Variants in SLC22A16 observed in about 807,000 individuals in gnomAD.
SLC22A16 encodes solute carrier family 22 member 16.
In SLC22A16, 53 loss-of-function variants were observed where a neutral mutation model predicts 52.9. The ratio of observed to expected loss-of-function variants is 1.00; its 90% confidence interval spans 0.80 to 1.26. The LOEUF is 1.26. Ranked by LOEUF, SLC22A16 falls within the 50% of genes most tolerant of loss-of-function variation. The pLI, the probability that SLC22A16 is intolerant of heterozygous loss-of-function variation, is 0.00. For synonymous variants in SLC22A16, 291 were observed against 268.8 expected (o/e 1.08, Z -0.81); for missense variants, 726 against 704.0 (o/e 1.03, Z -0.35).
intron 1 of SLC22A16, chr6:110,476,302 G>A: frequency 7.4e-7 from 1 of 1,350,090 alleles, no homozygotes. Context: ...AGCGAGCCCA[G>A]CGCCTCTGCT....
chr6:110,440,041 C>T (rs1040491909), intron 4 of SLC22A16: 1 of 152,060 alleles, frequency 6.6e-6, no homozygotes, highest in Admixed American at 6.6e-5. Flanking sequence ...CATTAATATG[C>T]ACAAATATAT....
At chr6:110,426,441 A>G (rs1022375112) in intron 7 of SLC22A16, among the ~76,000 whole-genome samples, 1 of 151,664 alleles carries the variant, frequency 6.6e-6, no homozygotes, top group Non-Finnish European at 1.5e-5. Flanking sequence ...GCTCCCCACA[A>G]TCCCCCAAAC....
chr6:110,462,789 A>G (rs764783184), intron 1 of SLC22A16, among the ~76,000 whole-genome samples: 1 of 152,152 alleles, frequency 6.6e-6, no homozygotes, highest in African/African-American at 2.4e-5. Flanking sequence ...GGGAGATACT[A>G]TAAAAGATGA....
rs544491266 is a variant in SLC22A16, at chr6:110,442,701, C to T, written c.726G>A (p.Ala242=). The change falls in exon 4 of 8, where the codon GCG becomes GCA. Residue 242 remains alanine, a synonymous_variant. Transcript: ENST00000368919. ...CAAAAAAGGAATGCAAATGGACAGA[C>T]GCCCATGTCCGAGACTTCATGCCAA... ...EFIGMKSRTW[A]SVHLHSFFAV... is the part of the protein sequence containing the mutation. 6.8e-6 allele frequency: 11 copies of T among 1,614,082 alleles called. No homozygotes were observed. Among genetic ancestry groups the T allele is most frequent in the African/African-American group, 5.3e-5 (4 of 75,042 alleles).
intron 7 of SLC22A16, among the ~76,000 whole-genome samples, chr6:110,430,651 GCT>G (rs940949583): frequency 6.6e-6 from 1 of 152,188 alleles, no homozygotes; most frequent in African/African-American, 2.4e-5. Flanking sequence ...AAGCGTCCCT[GCT>G]CTCACTCTTT....
chr6:110,425,422 C>T (rs536540990), intron 7 of SLC22A16: 16 of 1,312,796 alleles, frequency 1.2e-5, no homozygotes, highest in Non-Finnish European at 1.6e-5. Context: ...CCCATCTTTC[C>T]AGACCCCAGA....
Position 110,442,683 on chromosome 6 carries a change from G to C in SLC22A16, c.744C>G (p.Ser248=). The change falls in exon 4 of 8, where the codon TCC becomes TCG. Residue 248 remains serine (S), a synonymous_variant. Coordinates refer to ENST00000368919, the MANE Select transcript of SLC22A16 (RefSeq NM_033125.4). ...CCAGCAGGGTTCCAACTGCAAAAAA[G>C]GAATGCAAATGGACAGACGCCCATG... ...SRTWASVHLH[S]FFAVGTLLVA... is the part of the protein sequence containing the mutation. 1 of 1,614,026 alleles carries C rather than the reference G, an allele frequency of 6.2e-7. No homozygotes were observed. The highest frequency in any genetic ancestry group is 1.3e-5 in the African/African-American group (1 of 75,010).
At chr6:110,441,637 GA>G (rs1774969579) in intron 4 of SLC22A16, among the ~76,000 whole-genome samples, 1 of 152,234 alleles carries the variant, frequency 6.6e-6, no homozygotes, top group African/African-American at 2.4e-5. Flanking sequence ...AGTGTTTTGA[GA>G]GAGTTAACCA....
chr6:110,438,873 T>A lies in SLC22A16; in HGVS notation c.1184-26A>T, dbSNP rs1774850033. ...CTGTCATTGAGCAAGCAGCCCTCTA[T>A]AAGTCTAGGTACCCGACTGCAAAAG... On this transcript the variant is annotated intron_variant, in intron 4 of 7. Coordinates refer to ENST00000368919, the MANE Select transcript of SLC22A16 (RefSeq NM_033125.4). The A allele has an allele frequency of 5.6e-6, 9 of 1,612,214 alleles. No homozygotes were observed. The East Asian group carries it at 1.8e-4, about 32-fold the overall frequency.
intron 2 of SLC22A16, among the ~76,000 whole-genome samples, chr6:110,453,105 T>C (rs2114974220): frequency 6.6e-6 from 1 of 152,368 alleles, no homozygotes. Flanking sequence ...TTATTTCACT[T>C]TGTATTTCTA....
intron 2 of SLC22A16, among the ~76,000 whole-genome samples, chr6:110,454,092 G>A (rs62421690): frequency 0.047 from 7,138 of 152,112 alleles, 218 homozygotes; most frequent in South Asian, 0.088. Flanking sequence ...CTCCCACTAG[G>A]CCTCACCTCC....
At chr6:110,426,534 C>A (rs1306926937) in intron 7 of SLC22A16, among the ~76,000 whole-genome samples, 1 of 152,122 alleles carries the variant, frequency 6.6e-6, no homozygotes, top group Non-Finnish European at 1.5e-5. Context: ...CTTTCACACT[C>A]TCCAGACCCC....
intron 1 of SLC22A16, among the ~76,000 whole-genome samples, chr6:110,473,735 C>T (rs1472868775): frequency 6.6e-6 from 1 of 151,496 alleles, no homozygotes; most frequent in Non-Finnish European, 1.5e-5. Context: ...CTACATTAGC[C>T]AGGATGGTCT....
chr6:110,473,386 A>G (rs913875254), intron 1 of SLC22A16, among the ~76,000 whole-genome samples: 2 of 150,328 alleles, frequency 1.3e-5, no homozygotes, highest in African/African-American at 4.9e-5. Flanking sequence ...AGTCTTCTCA[A>G]TTTCTTTTCA....
intron 1 of SLC22A16, among the ~76,000 whole-genome samples, chr6:110,471,281 G>A (rs142962077): frequency 6.6e-6 from 1 of 152,302 alleles, no homozygotes; most frequent in African/African-American, 2.4e-5. Context: ...GGAGCAGTGG[G>A]CTATACCATA....
At position 110,425,071 on chromosome 6, in the gene SLC22A16, A is replaced by C. The variant is rs781141349; in HGVS notation, c.1536T>G (p.Thr512=). 6.2e-7 allele frequency: 1 copy of C among 1,614,160 alleles called. No individual in the cohort carries two copies. The highest frequency in any genetic ancestry group is 8.5e-7 in the Non-Finnish European group (1 of 1,180,012). Residue 512 remains threonine, a synonymous_variant, in exon 8 of 8, where the codon ACT becomes ACG. Coordinates refer to ENST00000368919, the MANE Select transcript of SLC22A16 (RefSeq NM_033125.4). ...TTAACACTCCACTCAGGAGGGCCAT[A>C]GTCCCAACAAACAACTAGAAGGAAT... ...WIFIPQLFVG[T]MALLSGVLTL...
At chr6:110,462,794 A>C (rs1775931679) in intron 1 of SLC22A16, among the ~76,000 whole-genome samples, 1 of 152,172 alleles carries the variant, frequency 6.6e-6, no homozygotes, top group Admixed American at 6.5e-5. Context: ...ATACTATAAA[A>C]GATGAATGTC....
At chr6:110,471,538 T>C (rs185388433) in intron 1 of SLC22A16, among the ~76,000 whole-genome samples, 3 of 152,364 alleles carry the variant, frequency 2.0e-5, no homozygotes, top group African/African-American at 4.8e-5. Flanking sequence ...TTAAATACTA[T>C]GTAGCTGTGA....
At chr6:110,425,379 G>A (rs1238106300) in intron 7 of SLC22A16, 1 of 1,350,890 alleles carries the variant, frequency 7.4e-7, no homozygotes, top group African/African-American at 1.5e-5. Context: ...TGCTGTCCTA[G>A]GAGCTGTGGT....
Sources: gnomAD v4.1 joint callset for allele counts (sites outside exome capture counted in the v4.1 genomes callset) on GRCh38, gnomAD v4.1.1 for gene constraint, MANE v1.5 for transcripts, NCBI Gene and HGNC (gene_info 2026-07-23, HGNC 2026-07-21) for gene names.